Variants in RGS6 observed in about 807,000 individuals in gnomAD.
RGS6 encodes regulator of G-protein signaling 6.
Under a neutral mutation model 78.5 loss-of-function variants are expected in RGS6, and 30 were observed. The ratio of observed to expected loss-of-function variants is 0.38; its 90% CI spans 0.29 to 0.52. The LOEUF is 0.52. Ranked by LOEUF, RGS6 falls within the 20% of genes least tolerant of loss-of-function variation. RGS6 has a pLI of 0.85. For missense variants in RGS6, 495 were observed against 609.7 expected (o/e 0.81, Z 1.98); for synonymous variants, 206 against 206.0 (o/e 1.00, Z 0.00).
chr14:72,447,252 T>C (rs1365212718), intron 3 of RGS6, among the ~76,000 whole-genome samples: 1 of 152,236 alleles, frequency 6.6e-6, no homozygotes, highest in Non-Finnish European at 1.5e-5. Context: ...TGAATTACAG[T>C]GGGGTGAGGG....
At chr14:72,064,326 G>A (rs2094033260) in intron 2 of RGS6, among the ~76,000 whole-genome samples, 1 of 152,170 alleles carries the variant, frequency 6.6e-6, no homozygotes, top group Non-Finnish European at 1.5e-5. Context: ...CCAAATTGTT[G>A]ACAGGCATGA....
In RGS6 at chr14:72,053,079, C is replaced by CCTTCCTT. The variant is rs2093415407; in HGVS notation, c.84+88205_84+88206insTTCCTTC. ...TCCCTCCCTCCCTCCCTCCCTCCCT[C>CCTTCCTT]CCTTCCTTCCTTCCTTCCTTCCTTC... On this transcript the variant is annotated intron_variant, in intron 2 of 17. Transcript: ENST00000553525. 2.6e-3 allele frequency among the ~76,000 whole-genome samples: 44 copies of CCTTCCTT among 17,024 alleles called. 6 individuals carry two copies. Among genetic ancestry groups the CCTTCCTT allele is most frequent in the African/African-American group, 0.014 (40 of 2,956 alleles). The allele number at this position is 17,024 out of a possible 152,430, so 11.2% of individuals were successfully genotyped here.
chr14:71,922,103 G>T, the RGS6 span, among the ~76,000 whole-genome samples: 1 of 152,280 alleles, frequency 6.6e-6, no homozygotes, highest in South Asian at 2.1e-4. Flanking sequence ...ACCTAACAGG[G>T]TTCCAGACCA....
intron 15 of RGS6, among the ~76,000 whole-genome samples, chr14:72,530,621 G>A (rs538041425): frequency 1.3e-5 from 2 of 152,292 alleles, no homozygotes; most frequent in South Asian, 2.1e-4. Flanking sequence ...AACCCGTGAG[G>A]TGGAGGTTGC....
At chr14:72,039,853 T>G (rs2092216748) in intron 2 of RGS6, among the ~76,000 whole-genome samples, 1 of 135,428 alleles carries the variant, frequency 7.4e-6, no homozygotes, top group Non-Finnish European at 1.6e-5. Context: ...TTTAATTCCT[T>G]TCTCATTTTC....
chr14:72,137,624 C>A (rs1263672677), intron 2 of RGS6, among the ~76,000 whole-genome samples: 1 of 152,200 alleles, frequency 6.6e-6, no homozygotes, highest in Admixed American at 6.5e-5. Flanking sequence ...TGCTACTGCC[C>A]ATTTATCACA....
rs571989572 is a variant in RGS6, at chr14:72,358,071, A to G, written c.184+5877A>G. ...ATGGCTTCAGAGGGTGCAAGCCTCC[A>G]GCCTTGGCAGCTTCCACATGGTGTT... On this transcript the variant is annotated intron_variant, in intron 3 of 17. Coordinates refer to ENST00000553525, the MANE Select transcript of RGS6 (RefSeq NM_001204424.2). 7.9e-5 allele frequency among the ~76,000 whole-genome samples: 12 copies of G among 152,334 alleles called. No homozygotes were observed. The South Asian group carries it at 2.1e-3, about 26-fold the overall frequency.
At chr14:72,193,694 G>C (rs1027715136) in intron 2 of RGS6, among the ~76,000 whole-genome samples, 3 of 152,238 alleles carry the variant, frequency 2.0e-5, no homozygotes, top group Non-Finnish European at 2.9e-5. Context: ...GTGGCAGACA[G>C]GGTAGCCAAG....
intron 2 of RGS6, among the ~76,000 whole-genome samples, chr14:72,325,898 T>C (rs751432638): frequency 4.1e-4 from 63 of 152,192 alleles, no homozygotes; most frequent in Non-Finnish European, 4.1e-4. Flanking sequence ...TCACACATTG[T>C]TGGCAACACT....
chr14:72,437,786 T>C lies in RGS6; in HGVS notation c.185-16742T>C, dbSNP rs113693598. On this transcript the variant is annotated intron_variant, in intron 3 of 17. Coordinates refer to ENST00000553525, the MANE Select transcript of RGS6 (RefSeq NM_001204424.2). ...TCCACCCCGCAGTCTTCCAGCACAC[T>C]GGGATCTGGGGCTTGAAGTCACTTG... Among the ~76,000 whole-genome samples the C allele has an allele frequency of 6.6e-3, 1,003 of 152,306 alleles. 12 individuals carry two copies. The highest frequency in any genetic ancestry group is 0.023 in the African/African-American group (946 of 41,564).
intron 2 of RGS6, among the ~76,000 whole-genome samples, chr14:72,034,404 C>CT (rs35821588): frequency 0.012 from 1,775 of 144,654 alleles, 34 homozygotes; most frequent in African/African-American, 0.042. Flanking sequence ...CTTTTCAGTG[C>CT]TTTTTTTTTT....
chr14:72,361,081 C>T (rs1374176734), intron 3 of RGS6, among the ~76,000 whole-genome samples: 1 of 94,622 alleles, frequency 1.1e-5, no homozygotes, highest in Admixed American at 1.0e-4. Flanking sequence ...TCAATCAAAC[C>T]TCTTTTTTTT....
At chr14:72,585,311 C>A in the RGS6 span, among the ~76,000 whole-genome samples, 51,601 of 152,082 alleles carry the variant, frequency 0.34, 9,943 homozygotes, top group East Asian at 0.75. Context: ...CATCTACAGA[C>A]TTCTCAAGCC....
the RGS6 span, among the ~76,000 whole-genome samples, chr14:72,595,532 A>G: frequency 1.6e-3 from 241 of 152,264 alleles, no homozygotes; most frequent in African/African-American, 5.3e-3. Context: ...TCTGTAATCT[A>G]TGTTGGTGCT....
chr14:72,184,369 AACACACACACACACACACACACAC>A (rs10638767), intron 2 of RGS6, among the ~76,000 whole-genome samples: 1 of 141,374 alleles, frequency 7.1e-6, no homozygotes, highest in East Asian at 2.1e-4. Context: ...TTTACTTTCA[AACACACACACACACACACACACAC>A]ACACACACAC....
intron 15 of RGS6, among the ~76,000 whole-genome samples, chr14:72,534,598 T>C (rs1024004170): frequency 3.3e-5 from 5 of 152,238 alleles, no homozygotes; most frequent in African/African-American, 4.8e-5. Context: ...CATTTATCTA[T>C]TCATTGATGG....
chr14:71,998,596 C>G (rs2082813991), intron 2 of RGS6, among the ~76,000 whole-genome samples: 1 of 152,180 alleles, frequency 6.6e-6, no homozygotes, highest in Non-Finnish European at 1.5e-5. Flanking sequence ...TCGTGACCTG[C>G]CTTGATAGCA....
intron 15 of RGS6, among the ~76,000 whole-genome samples, chr14:72,524,064 A>G (rs2097089047): frequency 1.3e-5 from 2 of 152,312 alleles, no homozygotes; most frequent in African/African-American, 4.8e-5. Context: ...AAATCTTTGA[A>G]AAAGTAAAAA....
intron 2 of RGS6, among the ~76,000 whole-genome samples, chr14:72,312,362 A>G (rs1422270607): frequency 6.6e-6 from 1 of 152,126 alleles, no homozygotes; most frequent in African/African-American, 2.4e-5. Flanking sequence ...CATTTTGCCA[A>G]GGAACGTTAG....
Sources: gnomAD v4.1 joint callset for allele counts (sites outside exome capture counted in the v4.1 genomes callset) on GRCh38, gnomAD v4.1.1 for gene constraint, MANE v1.5 for transcripts, NCBI Gene and HGNC (gene_info 2026-07-23, HGNC 2026-07-21) for gene names.